TNIK: variants seen among roughly 807,000 people sequenced by gnomAD.
TNIK encodes the protein TRAF2 and NCK interacting kinase.
TNIK carries 49 observed loss-of-function variants against 191.3 expected under a neutral mutation model. The observed-to-expected ratio is 0.26, with a 90% CI of 0.20 to 0.32. The LOEUF (loss-of-function observed/expected upper bound fraction) is 0.32, where lower values mean the gene tolerates loss of function less well. TNIK is among the 10% of genes least tolerant of loss of function. The probability of loss-of-function intolerance (pLI) is 1.00; values close to 1 mark genes in which losing one functional copy is unlikely to be tolerated. For missense variants in TNIK, 1,155 were observed against 1,702.3 expected (o/e 0.68, Z 5.66); for synonymous variants, 594 against 600.9 (o/e 0.99, Z 0.17).
At chr3:171,331,647 T>A (rs937864255) in intron 2 of TNIK, among the ~76,000 whole-genome samples, 15 of 152,248 alleles carry the variant, frequency 9.9e-5, no homozygotes, top group Non-Finnish European at 2.9e-5. Context: ...AAGCCTATGA[T>A]AAGCAATGGA....
At chr3:171,285,460 C>T (rs900508980) in intron 2 of TNIK, among the ~76,000 whole-genome samples, 17 of 152,076 alleles carry the variant, frequency 1.1e-4, no homozygotes, top group African/African-American at 2.4e-4. Flanking sequence ...TGAGCTTTTC[C>T]GAAGTAGAGC....
At chr3:171,296,336 G>A (rs1752285476) in intron 2 of TNIK, among the ~76,000 whole-genome samples, 3 of 152,132 alleles carry the variant, frequency 2.0e-5, no homozygotes, top group African/African-American at 7.2e-5. Context: ...AGTAAAAAGG[G>A]CACCTGATAC....
intron 1 of TNIK, among the ~76,000 whole-genome samples, chr3:171,447,429 C>G (rs1577972160): frequency 6.6e-6 from 1 of 152,156 alleles, no homozygotes; most frequent in East Asian, 1.9e-4. Context: ...AACTTGTGCC[C>G]TAAACCAAAG....
chr3:171,409,515 C>T (rs2108598088), intron 1 of TNIK, among the ~76,000 whole-genome samples: 1 of 152,062 alleles, frequency 6.6e-6, no homozygotes, highest in South Asian at 2.1e-4. Flanking sequence ...TTTAGAATGG[C>T]CATGGGTACA....
chr3:171,252,858 C>T (rs764755857), intron 2 of TNIK, among the ~76,000 whole-genome samples: 1 of 152,010 alleles, frequency 6.6e-6, no homozygotes, highest in African/African-American at 2.4e-5. Context: ...TAGGATTTCA[C>T]CATGTAAGAC....
Position 171,177,385 on chromosome 3 carries a change from A to T in TNIK, c.640-5T>A. On this transcript the variant is annotated splice_region_variant and splice_polypyrimidine_tract_variant and intron_variant, in intron 7 of 32. Transcript: ENST00000436636. The stretch of plus-strand genomic sequence containing the variant: ...ACCCAAAGACCACAAGTCACTCTGA[A>T]AAAGAAGGGGCAGACACACACATAA... The T allele has an allele frequency of 6.2e-7, 1 of 1,603,980 alleles. No homozygotes were observed. The highest frequency in any genetic ancestry group is 8.5e-7 in the Non-Finnish European group (1 of 1,175,136).
chr3:171,337,598 C>A (rs1757086358), intron 2 of TNIK, among the ~76,000 whole-genome samples: 1 of 152,184 alleles, frequency 6.6e-6, no homozygotes, highest in Non-Finnish European at 1.5e-5. Flanking sequence ...ACTTACTGTT[C>A]CTTATCCATA....
At chr3:171,458,664 G>A (rs574739755) in intron 1 of TNIK, among the ~76,000 whole-genome samples, 1 of 152,148 alleles carries the variant, frequency 6.6e-6, no homozygotes, top group Non-Finnish European at 1.5e-5. Context: ...GAAGTACTAG[G>A]AATCCAGGTA....
chr3:171,433,151 T>G (rs1001314995), intron 1 of TNIK, among the ~76,000 whole-genome samples: 1 of 152,014 alleles, frequency 6.6e-6, no homozygotes, highest in South Asian at 2.1e-4. Flanking sequence ...GGTTTAAGTA[T>G]ATATTCAAAT....
chr3:171,434,526 T>G lies in TNIK; in HGVS notation c.57+25481A>C, dbSNP rs188284128. The stretch of plus-strand genomic sequence containing the variant: ...AGGCTGGAATACAGTGGTACCAGCA[T>G]AGCTCACTGCAGCCTCAAACTCCTG... On this transcript the variant is annotated intron_variant, in intron 1 of 32. Coordinates refer to ENST00000436636, the MANE Select transcript of TNIK (RefSeq NM_015028.4). 2.2e-3 allele frequency among the ~76,000 whole-genome samples: 335 copies of G among 152,178 alleles called. 2 individuals carry two copies. Among genetic ancestry groups the G allele is most frequent in the African/African-American group, 7.5e-3 (313 of 41,514 alleles).
In TNIK at chr3:171,357,538, C is replaced by A. The variant is rs1347104439; in HGVS notation, c.123+12082G>T. 2.0e-5 allele frequency among the ~76,000 whole-genome samples: 3 copies of A among 149,976 alleles called. No homozygotes were observed. The East Asian group carries it at 6.0e-4, about 30-fold the overall frequency. On this transcript the variant is annotated intron_variant, in intron 2 of 32. Coordinates refer to ENST00000436636, the MANE Select transcript of TNIK (RefSeq NM_015028.4). ...TCCTGACCTCAGGTGATCCATCTGCCTCAGCCTCTGTACTTTTTTTTTTTT... is the reference window on the plus strand; with the variant it reads ...TCCTGACCTCAGGTGATCCATCTGCATCAGCCTCTGTACTTTTTTTTTTTT...
At chr3:171,363,195 T>C (rs368185905) in intron 2 of TNIK, among the ~76,000 whole-genome samples, 9 of 152,274 alleles carry the variant, frequency 5.9e-5, no homozygotes, top group Admixed American at 3.3e-4. Flanking sequence ...CAAAGAATTA[T>C]CCAGCCCCAT....
intron 7 of TNIK, among the ~76,000 whole-genome samples, 183 bp downstream of exon 7, chr3:171,188,519 A>G (rs1737643478): frequency 6.6e-6 from 1 of 152,224 alleles, no homozygotes; most frequent in African/African-American, 2.4e-5. Context: ...AGGCCATCAG[A>G]TAAGATGGGT....
At chr3:171,288,096 C>G (rs1158133970) in intron 2 of TNIK, among the ~76,000 whole-genome samples, 1 of 140,858 alleles carries the variant, frequency 7.1e-6, no homozygotes, top group Non-Finnish European at 1.5e-5. Flanking sequence ...CATATTCTCA[C>G]TCATAGGTGG....
chr3:171,178,995 T>C (rs889706098), intron 7 of TNIK, among the ~76,000 whole-genome samples: 3 of 152,058 alleles, frequency 2.0e-5, no homozygotes, highest in Non-Finnish European at 4.4e-5. Flanking sequence ...GTCTGCACAA[T>C]GTGGAGGGGG....
chr3:171,147,464 A>T (rs573348127), intron 12 of TNIK, among the ~76,000 whole-genome samples: 1 of 152,350 alleles, frequency 6.6e-6, no homozygotes, highest in East Asian at 1.9e-4. Context: ...TTAGTTTTGG[A>T]AAGATCATTG....
chr3:171,197,562 A>G (rs1198134570), intron 4 of TNIK, among the ~76,000 whole-genome samples: 1 of 152,214 alleles, frequency 6.6e-6, no homozygotes, highest in Non-Finnish European at 1.5e-5. Flanking sequence ...AATAACAGAA[A>G]GACAAGCAAC....
At chr3:171,118,387 C>A (rs1727099153) in intron 18 of TNIK, among the ~76,000 whole-genome samples, 1 of 152,120 alleles carries the variant, frequency 6.6e-6, no homozygotes, top group African/African-American at 2.4e-5. Flanking sequence ...AGATTCAATG[C>A]CATCCCCATC....
chr3:171,126,285 T>C, intron 16 of TNIK, 134 bp from the exon 17 acceptor site: 1 of 1,100,340 alleles, frequency 9.1e-7, no homozygotes. Flanking sequence ...CTATCACAAC[T>C]ATATATAGCA....
Sources: allele counts gnomAD v4.1 joint callset (sites outside exome capture counted in the v4.1 genomes callset), GRCh38; gene constraint gnomAD v4.1.1; transcripts MANE v1.5; gene names NCBI Gene and HGNC (gene_info 2026-07-23, HGNC 2026-07-21).